SPATC1: variants seen among roughly 807,000 people sequenced by gnomAD.
The protein encoded by SPATC1 is spermatogenesis and centriole associated 1, also known as speriolin.
In SPATC1, 35 loss-of-function variants were observed where a neutral mutation model predicts 36.5. The observed-to-expected ratio is 0.96, with a 90% CI of 0.73 to 1.27. The LOEUF is 1.27. Among genes scored for constraint, SPATC1 ranks in the 50% most tolerant of loss-of-function variants. The probability of loss-of-function intolerance (pLI) is 0.00; values close to 1 mark genes in which losing one functional copy is unlikely to be tolerated. For synonymous variants in SPATC1, 361 were observed against 353.6 expected, an observed-to-expected ratio of 1.02 and a Z score of -0.24; for missense variants, 779 against 796.0, an observed-to-expected ratio of 0.98 and a Z score of 0.26.
intron 1 of SPATC1, among the ~76,000 whole-genome samples, chr8:144,027,717 G>A (rs1473726623): frequency 6.6e-6 from 1 of 152,162 alleles, no homozygotes; most frequent in Non-Finnish European, 1.5e-5. Flanking sequence ...CTCAGGCTGG[G>A]CACAGTAGCT....
chr8:144,043,141 C>T (rs556592419), intron 4 of SPATC1, among the ~76,000 whole-genome samples: 15 of 151,668 alleles, frequency 9.9e-5, no homozygotes, highest in Middle Eastern at 3.4e-3. Context: ...TACAGGCACC[C>T]GCCACCACAC....
intron 1 of SPATC1, among the ~76,000 whole-genome samples, chr8:144,032,686 G>A (rs1834822046): frequency 6.6e-6 from 1 of 151,894 alleles, no homozygotes; most frequent in South Asian, 2.1e-4. Flanking sequence ...TGCTTGTTAT[G>A]GGTCATACTT....
At position 144,039,943 on chromosome 8, in the gene SPATC1, C is replaced by A. The variant is rs371082575; in HGVS notation, c.246C>A (p.Asn82Lys). The A allele has an allele frequency of 3.1e-6, 5 of 1,613,918 alleles. No homozygotes were observed. Among genetic ancestry groups the A allele is most frequent in the Non-Finnish European group, 4.2e-6 (5 of 1,179,944 alleles). ...VFLPPSPAVA[N>K]ERVLEEVGIM... ...TGCCCCCGTCCCCAGCAGTGGCAAA[C>A]GAACGAGTCCTCGAAGAAGTGGGGA... The change falls in exon 2 of 5, where the codon AAC (asparagine) becomes AAA (lysine). Residue 82 changes from asparagine (N) to lysine (K), a missense_variant. Physicochemically the swap from Asn to Lys is moderately conservative, Grantham distance 94 (BLOSUM62 0). Coordinates refer to ENST00000377470, the MANE Select transcript of SPATC1 (RefSeq NM_198572.3).
chr8:144,041,834 C>T (rs782243475), intron 4 of SPATC1: 59 of 547,122 alleles, frequency 1.1e-4, no homozygotes, highest in Admixed American at 1.9e-4. Context: ...CTTTTTCTCT[C>T]CAGCTGTGTT....
chr8:144,044,311 T>C (rs1373833908), intron 4 of SPATC1, among the ~76,000 whole-genome samples: 6 of 151,630 alleles, frequency 4.0e-5, no homozygotes, highest in Admixed American at 1.3e-4. Flanking sequence ...GGAATTTTTT[T>C]TTTTTTTTGA....
At chr8:144,029,051 G>A (rs994955052) in intron 1 of SPATC1, among the ~76,000 whole-genome samples, 3 of 151,874 alleles carry the variant, frequency 2.0e-5, no homozygotes, top group South Asian at 4.2e-4. Context: ...GTGGCCTGTC[G>A]GAGGGGTTGG....
In SPATC1 at chr8:144,046,663, A is replaced by C; in HGVS notation, c.1483A>C (p.Lys495Gln). 1 of 1,611,610 alleles carries C rather than the reference A, an allele frequency of 6.2e-7. No individual in the cohort carries two copies. The highest frequency in any genetic ancestry group is 8.5e-7 in the Non-Finnish European group (1 of 1,179,812). ...CCCCAGTGACCACAAGCTGGATGAGAAGCTGTGCCAGAGGCTCACACAGCG... is the reference window on the plus strand; with the variant it reads ...CCCCAGTGACCACAAGCTGGATGAGCAGCTGTGCCAGAGGCTCACACAGCG... ...LNPSDHKLDE[K>Q]LCQRLTQRYV... Residue 495 changes from lysine (K) to glutamine (Q), a missense_variant, in exon 5 of 5, where the codon AAG (lysine) becomes CAG (glutamine). By Grantham distance (53) the Lys-to-Gln change is moderately conservative. Coordinates refer to ENST00000377470, the MANE Select transcript of SPATC1 (RefSeq NM_198572.3). The surrounding 1 kb of genome is among the most constrained non-coding windows in gnomAD (Gnocchi z 6.6).
chr8:144,031,994 A>G (rs1289071603), intron 1 of SPATC1, among the ~76,000 whole-genome samples: 5 of 152,020 alleles, frequency 3.3e-5, no homozygotes, highest in Non-Finnish European at 7.4e-5. Context: ...TGCTGGGATT[A>G]CAGGTGTAAG....
chr8:144,029,983 A>G (rs1834762219), intron 1 of SPATC1, among the ~76,000 whole-genome samples: 2 of 152,346 alleles, frequency 1.3e-5, no homozygotes, highest in Non-Finnish European at 2.9e-5. Context: ...TCTGTTATTA[A>G]GTGCATGAAT....
Position 144,039,944 on chromosome 8 carries a change from G to A in SPATC1, c.247G>A (p.Glu83Lys), listed in dbSNP as rs373999390. ...GCCCCCGTCCCCAGCAGTGGCAAACGAACGAGTCCTCGAAGAAGTGGGGAT... is the reference window on the plus strand; with the variant it reads ...GCCCCCGTCCCCAGCAGTGGCAAACAAACGAGTCCTCGAAGAAGTGGGGAT... ...FLPPSPAVAN[E>K]RVLEEVGIMA... The change falls in exon 2 of 5, where the codon GAA becomes AAA. Residue 83 changes from glutamate to lysine, a missense_variant. By Grantham distance (56) the Glu-to-Lys change is moderately conservative. Transcript: ENST00000377470. 1.9e-5 allele frequency: 31 copies of A among 1,613,792 alleles called. No individual in the cohort carries two copies. Among genetic ancestry groups the A allele is most frequent in the East Asian group, 8.9e-5 (4 of 44,884 alleles).
At chr8:144,043,685 ATTTT>A (rs527881198) in intron 4 of SPATC1, among the ~76,000 whole-genome samples, 1 of 129,944 alleles carries the variant, frequency 7.7e-6, no homozygotes, top group Non-Finnish European at 1.7e-5. Context: ...TATGGACTAC[ATTTT>A]TTTTTTTTTT....
rs1397457838 is a variant in SPATC1, at chr8:144,024,714, GCCCTCTTCCCTGACGA to G, written c.211+12002_211+12017del. ...TCTCTCAGGACCCTTTTCCCTGAAG[GCCCTCTTCCCTGACGA>G]CCCTCTTCCCTGAAAACCCTCCTTC... On this transcript the variant is annotated intron_variant, in intron 1 of 4. Transcript: ENST00000377470. 2.0e-3 allele frequency among the ~76,000 whole-genome samples: 256 copies of G among 128,690 alleles called. 1 individual carries two copies. Among genetic ancestry groups the G allele is most frequent in the African/African-American group, 7.5e-3 (245 of 32,766 alleles). 84.4% of individuals were successfully genotyped at this position (128,690 alleles called of 152,430 possible).
At chr8:144,031,286 T>G (rs1564272809) in intron 1 of SPATC1, among the ~76,000 whole-genome samples, 1 of 152,264 alleles carries the variant, frequency 6.6e-6, no homozygotes, top group Non-Finnish European at 1.5e-5. Flanking sequence ...TTTTATGGAA[T>G]ATAGAATTCT....
chr8:144,038,651 T>C (rs1198678927), intron 1 of SPATC1, among the ~76,000 whole-genome samples: 1 of 151,998 alleles, frequency 6.6e-6, no homozygotes, highest in East Asian at 2.0e-4. Context: ...ATTTTTGTGT[T>C]TTTTGTAGAG....
chr8:144,021,622 C>T (rs1329603862), intron 1 of SPATC1, among the ~76,000 whole-genome samples: 1 of 138,682 alleles, frequency 7.2e-6, no homozygotes, highest in African/African-American at 2.7e-5. Flanking sequence ...TCCAGAAGAA[C>T]CTCACACCCC....
intron 1 of SPATC1, among the ~76,000 whole-genome samples, chr8:144,031,407 A>C (rs1265595545): frequency 1.3e-5 from 2 of 148,462 alleles, no homozygotes; most frequent in Non-Finnish European, 3.0e-5. Flanking sequence ...TCCCTTGTAC[A>C]TGATGAGTCA....
At chr8:144,032,403 G>A (rs941458383) in intron 1 of SPATC1, among the ~76,000 whole-genome samples, 17 of 151,938 alleles carry the variant, frequency 1.1e-4, no homozygotes, top group East Asian at 1.9e-4. Flanking sequence ...TCAGCCTCCC[G>A]AGTTGCTGGG....
In SPATC1 at chr8:144,016,066, A is replaced by G. The variant is rs1261716253; in HGVS notation, c.211+3340A>G. On this transcript the variant is annotated intron_variant, in intron 1 of 4. Coordinates refer to ENST00000377470, the MANE Select transcript of SPATC1 (RefSeq NM_198572.3). This position sits in a 1 kb window ranked among gnomAD's most constrained non-coding sequence, Gnocchi z 4.5. ...TGGAGACTTTTGAGACTCTGTCTCAAAAAAAAAAAAAAGAAAAAAGAAAGA... is the reference window on the plus strand; with the variant it reads ...TGGAGACTTTTGAGACTCTGTCTCAGAAAAAAAAAAAAGAAAAAAGAAAGA... Among the ~76,000 whole-genome samples, 1 of 135,370 alleles carries G rather than the reference A, an allele frequency of 7.4e-6. No homozygotes were observed. Among genetic ancestry groups the G allele is most frequent in the Non-Finnish European group, 1.5e-5 (1 of 65,972 alleles). The allele number at this position is 135,370 out of a possible 152,430, so 88.8% of individuals were successfully genotyped here. A position where few individuals can be genotyped will look rare whatever the true frequency, so the allele number is the denominator to read the frequency against.
intron 1 of SPATC1, among the ~76,000 whole-genome samples, chr8:144,025,405 A>G (rs1834657132): frequency 6.6e-6 from 1 of 152,236 alleles, no homozygotes; most frequent in Non-Finnish European, 1.5e-5. Flanking sequence ...AGAGACCTAA[A>G]TAATTAAATA....
Sources: gnomAD v4.1 joint callset for allele counts (sites outside exome capture counted in the v4.1 genomes callset) on GRCh38, gnomAD v4.1.1 for gene constraint, Gnocchi (gnomAD v3.1) non-coding constraint, MANE v1.5 for transcripts, NCBI Gene and HGNC (gene_info 2026-07-23, HGNC 2026-07-21) for gene names.